NTNG1: variants seen among roughly 807,000 people sequenced by gnomAD.
NTNG1 encodes the protein netrin G1, also known as netrin-G1.
A neutral mutation model predicts 54.0 loss-of-function variants in NTNG1; 16 were observed. The observed-to-expected ratio is 0.30, with a 90% CI of 0.20 to 0.45. The LOEUF (loss-of-function observed/expected upper bound fraction) is 0.45. Ranked by LOEUF, NTNG1 falls within the 20% of genes least tolerant of loss-of-function variation. The pLI, the probability that NTNG1 is intolerant of heterozygous loss-of-function variation, is 1.00. For synonymous variants in NTNG1, 255 were observed against 263.1 expected, an observed-to-expected ratio of 0.97 and a Z score of 0.30; for missense variants, 530 against 678.7, an observed-to-expected ratio of 0.78 and a Z score of 2.43.
chr1:107,236,119 A>G (rs1188449199), intron 2 of NTNG1, among the ~76,000 whole-genome samples: 1 of 152,216 alleles, frequency 6.6e-6, no homozygotes, highest in African/African-American at 2.4e-5. Flanking sequence ...TTCAATCTGC[A>G]GAAAATAAAA....
At chr1:107,156,661 G>A (rs1557767471) in intron 2 of NTNG1, among the ~76,000 whole-genome samples, 2 of 152,192 alleles carry the variant, frequency 1.3e-5, no homozygotes, top group Non-Finnish European at 2.9e-5. Flanking sequence ...TTTTTAGGAT[G>A]TTGAGCTCAT....
At position 107,296,597 on chromosome 1, in the gene NTNG1, G is replaced by A. The variant is rs546221260; in HGVS notation, c.247-27685G>A. ...CACATAATTATAAATATATGAAATC[G>A]ATGTTATTTATATGAATATATATTA... On this transcript the variant is annotated intron_variant, in intron 2 of 7. Transcript: ENST00000370068. Among the ~76,000 whole-genome samples the A allele has an allele frequency of 1.3e-3, 186 of 147,288 alleles. 1 individual carries two copies. Among genetic ancestry groups the A allele is most frequent in the African/African-American group, 4.5e-3 (181 of 40,558 alleles).
chr1:107,196,170 C>G (rs548637917), intron 2 of NTNG1, among the ~76,000 whole-genome samples: 1 of 152,002 alleles, frequency 6.6e-6, no homozygotes, highest in East Asian at 1.9e-4. Flanking sequence ...GGATCTCCTA[C>G]GTAGCAGTCA....
chr1:107,440,488 C>T (rs1489903143), intron 7 of NTNG1, among the ~76,000 whole-genome samples: 3 of 152,084 alleles, frequency 2.0e-5, no homozygotes, highest in Non-Finnish European at 4.4e-5. Flanking sequence ...TATGACCTAC[C>T]ATATATAGTA....
intron 5 of NTNG1, chr1:107,418,523 G>C: frequency 7.9e-7 from 1 of 1,261,592 alleles, no homozygotes; most frequent in Admixed American, 2.3e-5. Flanking sequence ...TTTCTGTTTA[G>C]ACCAAATGAC....
At chr1:107,282,161 T>C (rs1278604142) in intron 2 of NTNG1, among the ~76,000 whole-genome samples, 1 of 152,214 alleles carries the variant, frequency 6.6e-6, no homozygotes, top group African/African-American at 2.4e-5. Flanking sequence ...GAAGTTTTGT[T>C]TTCTTTCAGT....
chr1:107,436,328 G>A (rs570136786), intron 6 of NTNG1, among the ~76,000 whole-genome samples: 12 of 152,260 alleles, frequency 7.9e-5, no homozygotes, highest in Non-Finnish European at 1.2e-4. Flanking sequence ...ATGGCATATT[G>A]ATTTATCCTT....
chr1:107,256,705 G>T (rs1389069891), intron 2 of NTNG1, among the ~76,000 whole-genome samples: 2 of 152,196 alleles, frequency 1.3e-5, no homozygotes, highest in Non-Finnish European at 2.9e-5. Context: ...GACGGGAGGA[G>T]AGGAGAGAGC....
intron 2 of NTNG1, among the ~76,000 whole-genome samples, chr1:107,295,168 A>G (rs1665866588): frequency 6.6e-6 from 1 of 152,166 alleles, no homozygotes. Context: ...TTGCCTTTTT[A>G]AAGTGGAGCC....
At chr1:107,472,076 C>A (rs1678015587) in intron 7 of NTNG1, among the ~76,000 whole-genome samples, 1 of 152,162 alleles carries the variant, frequency 6.6e-6, no homozygotes. Flanking sequence ...TCCCCAAGTT[C>A]ACTCAGCCCA....
intron 2 of NTNG1, among the ~76,000 whole-genome samples, chr1:107,322,935 C>T (rs1427145447): frequency 2.0e-5 from 3 of 151,944 alleles, no homozygotes; most frequent in African/African-American, 7.3e-5. Context: ...TATTAGCTGA[C>T]TAGGTAGGAG....
chr1:107,185,700 A>G (rs1056211001), intron 2 of NTNG1, among the ~76,000 whole-genome samples: 15 of 152,082 alleles, frequency 9.9e-5, no homozygotes, highest in African/African-American at 2.7e-4. Flanking sequence ...CTGTGCTTCA[A>G]TTGGTTAAAA....
intron 4 of NTNG1, among the ~76,000 whole-genome samples, chr1:107,397,016 A>C (rs1672726546): frequency 6.6e-6 from 1 of 152,200 alleles, no homozygotes; most frequent in Non-Finnish European, 1.5e-5. Flanking sequence ...TTTCGCATTG[A>C]AACTGATTTC....
chr1:107,372,376 G>T (rs761419612), intron 3 of NTNG1, among the ~76,000 whole-genome samples: 23 of 151,650 alleles, frequency 1.5e-4, no homozygotes, highest in Non-Finnish European at 2.7e-4. Context: ...GATTTATTTT[G>T]TCAGTTCAAA....
chr1:107,173,921 T>G (rs1656448180), intron 2 of NTNG1, among the ~76,000 whole-genome samples: 1 of 152,096 alleles, frequency 6.6e-6, no homozygotes, highest in Admixed American at 6.6e-5. Context: ...AATGAAAGTG[T>G]TACACTAGTC....
chr1:107,263,481 A>G (rs925910524), intron 2 of NTNG1, among the ~76,000 whole-genome samples: 2 of 152,204 alleles, frequency 1.3e-5, no homozygotes, highest in Non-Finnish European at 1.5e-5. Flanking sequence ...TGAATCATGA[A>G]TAGTGAATAT....
At chr1:107,226,528 C>A (rs943722822) in intron 2 of NTNG1, among the ~76,000 whole-genome samples, 30 of 152,154 alleles carry the variant, frequency 2.0e-4, no homozygotes, top group African/African-American at 7.0e-4. Flanking sequence ...CAGCACCCAG[C>A]AGGCATGCAT....
chr1:107,328,738 T>TA (rs1354831188), intron 3 of NTNG1, among the ~76,000 whole-genome samples: 1 of 152,122 alleles, frequency 6.6e-6, no homozygotes, highest in Non-Finnish European at 1.5e-5. Flanking sequence ...AAATATAAAC[T>TA]AAAAATTATT....
chr1:107,324,131 A>G (rs1667808391), intron 2 of NTNG1, 151 bp from the exon 3 acceptor site: 3 of 695,648 alleles, frequency 4.3e-6, no homozygotes, highest in Admixed American at 4.7e-5. Context: ...AAAAGCTATT[A>G]AAGAGGAGAA....
Sources: gnomAD v4.1 joint callset for allele counts (sites outside exome capture counted in the v4.1 genomes callset) on GRCh38, gnomAD v4.1.1 for gene constraint, MANE v1.5 for transcripts, NCBI Gene and HGNC (gene_info 2026-07-23, HGNC 2026-07-21) for gene names.